The following CACNA1H variants were observed in gnomAD, a reference collection of about 807,000 sequenced individuals.
CACNA1H encodes the protein voltage-dependent T-type calcium channel subunit alpha-1H.
A neutral mutation model predicts 192.5 loss-of-function variants in CACNA1H; 149 were observed. The observed-to-expected ratio is 0.77, with a 90% CI of 0.68 to 0.89. CACNA1H has a LOEUF of 0.89. Ranked by LOEUF, CACNA1H falls within the 40% of genes least tolerant of loss-of-function variation. CACNA1H has a pLI of 0.00. For synonymous variants in CACNA1H, 2,202 were observed against 1,475.2 expected (o/e 1.49, Z -11.29); for missense variants, 4,257 against 3,423.5 (o/e 1.24, Z -6.08).
chr16:1,207,255 G>T lies in CACNA1H; in HGVS notation c.2908-20G>T, dbSNP rs1436280051. ...TTTCGGGGCTGGGGTGACCACCCCAGGCCCCCTGCTATCCCCCAGATCCTG... is the reference window on the plus strand; with the variant it reads ...TTTCGGGGCTGGGGTGACCACCCCATGCCCCCTGCTATCCCCCAGATCCTG... On this transcript the variant is annotated intron_variant, in intron 13 of 34. Coordinates refer to ENST00000348261, the MANE Select transcript of CACNA1H (RefSeq NM_021098.3). 7 of 1,593,650 alleles carry T rather than the reference G, an allele frequency of 4.4e-6. No homozygotes were observed. Among genetic ancestry groups the T allele is most frequent in the Non-Finnish European group, 6.0e-6 (7 of 1,168,640 alleles).
At chr16:1,203,474 G>T (rs1327823873) in intron 9 of CACNA1H, among the ~76,000 whole-genome samples, 1 of 152,204 alleles carries the variant, frequency 6.6e-6, no homozygotes, top group Non-Finnish European at 1.5e-5. Flanking sequence ...ACGTGAGCAG[G>T]AATGCGGCTG....
At chr16:1,174,347 G>A (rs985940416) in intron 2 of CACNA1H, among the ~76,000 whole-genome samples, 3 of 152,202 alleles carry the variant, frequency 2.0e-5, no homozygotes, top group Admixed American at 1.3e-4. Flanking sequence ...CCCAGGATAT[G>A]GAGGTAACTA....
intron 26 of CACNA1H, 53 bp downstream of exon 26, chr16:1,212,581 G>T: frequency 6.3e-7 from 1 of 1,580,606 alleles, no homozygotes; most frequent in Non-Finnish European, 8.6e-7. Flanking sequence ...CCGCTGCTCG[G>T]GGAAGGGCGG....
At position 1,218,381 on chromosome 16, in the gene CACNA1H, G is replaced by T; in HGVS notation, c.5617G>T (p.Asp1873Tyr). The T allele has an allele frequency of 6.4e-7, 1 of 1,561,122 alleles. No homozygotes were observed. The highest frequency in any genetic ancestry group is 8.7e-7 in the Non-Finnish European group (1 of 1,153,632). Residue 1873 changes from aspartate (D) to tyrosine (Y), a missense_variant, in exon 33 of 35, where the codon GAT (aspartate) becomes TAT (tyrosine). Physicochemically the swap from Asp to Tyr is radical, Grantham distance 160 (BLOSUM62 -3). Transcript: ENST00000348261. ...LEESNKEARE[D>Y]AELDAEIELE... ...GGAGAGCAACAAGGAGGCACGGGAG[G>T]ATGCGGAGCTGGACGCCGAGATCGA...
At position 1,201,562 on chromosome 16, in the gene CACNA1H, G is replaced by A. The variant is rs8043905; in HGVS notation, c.1213-101G>A. On this transcript the variant is annotated intron_variant, in intron 8 of 34. Coordinates refer to ENST00000348261, the MANE Select transcript of CACNA1H (RefSeq NM_021098.3). ...GCAGGGCACCTCGCCCACTGTGCCT[G>A]TGACGCGGCCCCCACTCGAACAGGC... The A allele has an allele frequency of 0.43, 592,553 of 1,387,890 alleles. 132,022 individuals carry two copies. Among genetic ancestry groups the A allele is most frequent in the African/African-American group, 0.49 (33,956 of 69,274 alleles). 86.0% of individuals were successfully genotyped at this position (1,387,890 alleles called of 1,614,324 possible). A position where few individuals can be genotyped will look rare whatever the true frequency, so the allele number is the denominator to read the frequency against.
At position 1,153,576 on chromosome 16, in the gene CACNA1H, C is replaced by T. The variant is rs1348923287; in HGVS notation, c.-19+106C>T. 9 of 255,534 alleles carry T rather than the reference C, an allele frequency of 3.5e-5. No homozygotes were observed. In the African/African-American group the frequency reaches 4.8e-4, roughly 14 times the overall value. 15.8% of individuals were successfully genotyped at this position (255,534 alleles called of 1,614,324 possible). On this transcript the variant is annotated intron_variant, in intron 1 of 34. Transcript: ENST00000348261. ...GGGGCCGCTGGAGGGAGGGAGGGGG[C>T]GGGCGGGGGCGGGGGGCGCGTTTGT...
Position 1,211,341 on chromosome 16 carries a change from G to T in CACNA1H, c.4350+47G>T, listed in dbSNP as rs41292287. 6.5e-3 allele frequency: 10,428 copies of T among 1,610,484 alleles called. 47 individuals are homozygous for T. Among genetic ancestry groups the T allele is most frequent in the Non-Finnish European group, 7.8e-3 (9,183 of 1,177,982 alleles). On this transcript the variant is annotated intron_variant, in intron 22 of 34. Transcript: ENST00000348261. Reference sequence around the variant, plus strand: ...GGGGGTCTGCCCCGTCGCAGACAGGGTCTGCCTTCCCAGCGTGGCTCCCAG... The same window carrying T: ...GGGGGTCTGCCCCGTCGCAGACAGGTTCTGCCTTCCCAGCGTGGCTCCCAG...
intron 2 of CACNA1H, among the ~76,000 whole-genome samples, chr16:1,194,047 C>T (rs1408388750): frequency 6.6e-6 from 1 of 152,004 alleles, no homozygotes; most frequent in Non-Finnish European, 1.5e-5. Flanking sequence ...GGGTCCCAAG[C>T]AGGCCTGCCA....
intron 16 of CACNA1H, 38 bp from the exon 17 acceptor site, chr16:1,208,994 G>A (rs757738676): frequency 1.3e-5 from 19 of 1,464,428 alleles, no homozygotes; most frequent in African/African-American, 1.5e-5. Flanking sequence ...GGTGCTAATA[G>A]TGATGCCACC....
intron 9 of CACNA1H, 114 bp from the exon 10 acceptor site, chr16:1,203,896 T>G: frequency 2.7e-6 from 2 of 728,720 alleles, no homozygotes; most frequent in Non-Finnish European, 4.4e-6. Flanking sequence ...GGACTCTGGA[T>G]GGATCTTTCT....
intron 8 of CACNA1H, among the ~76,000 whole-genome samples, chr16:1,201,398 A>T (rs1596406543): frequency 6.6e-6 from 1 of 152,218 alleles, no homozygotes; most frequent in South Asian, 2.1e-4. Context: ...ATCTGCAGGT[A>T]AAGGAGGGGC....
Position 1,206,220 on chromosome 16 carries a change from T to C in CACNA1H, c.2720T>C (p.Val907Ala), listed in dbSNP as rs1968685964. Residue 907 changes from valine (V) to alanine (A), a missense_variant, in exon 12 of 35, where the codon GTG (valine) becomes GCG (alanine). Val to Ala is a moderately conservative substitution (Grantham distance 64). Coordinates refer to ENST00000348261, the MANE Select transcript of CACNA1H (RefSeq NM_021098.3). Reference sequence around the variant, plus strand: ...CCAGCCCTGCGGCGCCAGCTCGTGGTGCTGGTGAAGACCATGGACAACGTG... The same window carrying C: ...CCAGCCCTGCGGCGCCAGCTCGTGGCGCTGGTGAAGACCATGGACAACGTG... ...FLPALRRQLV[V>A]LVKTMDNVAT... 1 of 1,592,688 alleles carries C rather than the reference T, an allele frequency of 6.3e-7. No homozygotes were observed. Among genetic ancestry groups the C allele is most frequent in the Non-Finnish European group, 8.5e-7 (1 of 1,170,646 alleles).
intron 6 of CACNA1H, among the ~76,000 whole-genome samples, chr16:1,199,836 C>A (rs115245112): frequency 6.6e-6 from 1 of 152,062 alleles, no homozygotes; most frequent in Non-Finnish European, 1.5e-5. Context: ...GGCTTCCCTC[C>A]CCTCGTCCCT....
intron 2 of CACNA1H, among the ~76,000 whole-genome samples, chr16:1,189,959 G>A (rs1966453900): frequency 6.6e-6 from 1 of 152,246 alleles, no homozygotes; most frequent in African/African-American, 2.4e-5. Flanking sequence ...GAAGGACAAT[G>A]TGGTCCCCAC....
chr16:1,213,701 A>C, intron 26 of CACNA1H, 79 bp from the exon 27 acceptor site: 1 of 1,157,570 alleles, frequency 8.6e-7, no homozygotes, highest in Non-Finnish European at 1.2e-6. Context: ...TTGGCCACCT[A>C]GGAGGAGAAT....
At chr16:1,175,558 C>T (rs943618491) in intron 2 of CACNA1H, among the ~76,000 whole-genome samples, 1 of 152,208 alleles carries the variant, frequency 6.6e-6, no homozygotes, top group African/African-American at 2.4e-5. Flanking sequence ...CGTCTGCTCG[C>T]CGTGTCCCGA....
chr16:1,218,428 C>T lies in CACNA1H; in HGVS notation c.5664C>T (p.Pro1888=), dbSNP rs761380706. Residue 1888 remains proline, a synonymous_variant, in exon 33 of 35, where the codon CCC becomes CCT. Transcript: ENST00000348261. ...TCGAGCTGGAGATGGCGCAGGGCCCCGGGAGTGCACGCCGGGTGGACGCGG... is the reference window on the plus strand; with the variant it reads ...TCGAGCTGGAGATGGCGCAGGGCCCTGGGAGTGCACGCCGGGTGGACGCGG... The part of the protein sequence containing the change: ...AEIELEMAQG[P]GSARRVDADR... The T allele has an allele frequency of 2.3e-5, 35 of 1,553,002 alleles. No homozygotes were observed. The highest frequency in any genetic ancestry group is 3.6e-5 in the South Asian group (3 of 84,190).
intron 2 of CACNA1H, among the ~76,000 whole-genome samples, chr16:1,184,740 G>GTGCCGGGTCTCAA (rs1965811680): frequency 6.6e-6 from 1 of 152,238 alleles, no homozygotes; most frequent in East Asian, 1.9e-4. Context: ...GCCTGCCCAT[G>GTGCCGGGTCTCAA]TGCCGGGTCT....
rs1378388929 is a variant in CACNA1H, at chr16:1,209,024, C to A, written c.3364-8C>A. On this transcript the variant is annotated splice_region_variant and splice_polypyrimidine_tract_variant and intron_variant, in intron 16 of 34. Coordinates refer to ENST00000348261, the MANE Select transcript of CACNA1H (RefSeq NM_021098.3). ...GCCACCAGGTCACTGACTCCCGCCA[C>A]CCCCCAGGCCAGCCTCCGAAGTTCT... 11 of 1,487,174 alleles carry A rather than the reference C, an allele frequency of 7.4e-6. No homozygotes were observed. The highest frequency in any genetic ancestry group is 1.5e-5 in the African/African-American group (1 of 68,932). The allele number at this position is 1,487,174 out of a possible 1,614,324, so 92.1% of individuals were successfully genotyped here. A position where few individuals can be genotyped will look rare whatever the true frequency, so the allele number is the denominator to read the frequency against.
Sources: allele counts gnomAD v4.1 joint callset (sites outside exome capture counted in the v4.1 genomes callset), GRCh38; gene constraint gnomAD v4.1.1; transcripts MANE v1.5; gene names NCBI Gene and HGNC (gene_info 2026-07-23, HGNC 2026-07-21).